Variants in C12orf42 observed in about 807,000 individuals in gnomAD.
The protein encoded by C12orf42 is uncharacterized protein C12orf42.
In C12orf42, 25 loss-of-function variants were observed where a neutral mutation model predicts 21.6. That is an observed-to-expected ratio of 1.16 (90% CI 0.84 to 1.62). C12orf42 has a LOEUF of 1.62. C12orf42 is among the 40% of genes most tolerant of loss of function. The pLI, the probability that C12orf42 is intolerant of heterozygous loss-of-function variation, is 0.00. For synonymous variants in C12orf42, 174 were observed against 175.0 expected, an observed-to-expected ratio of 0.99 and a Z score of 0.05; for missense variants, 483 against 459.3, an observed-to-expected ratio of 1.05 and a Z score of -0.47.
In C12orf42 at chr12:103,302,552, G is replaced by A. The variant is rs919261657; in HGVS notation, c.639C>T (p.Ala213=). Residue 213 remains alanine (A), a synonymous_variant, in exon 6 of 6, where the codon GCC becomes GCT. Coordinates refer to ENST00000548883, the MANE Select transcript of C12orf42 (RefSeq NM_198521.5). Reference sequence around the variant, plus strand: ...GGCCGATGGCAGTGGAAGGTCTGGCGGCAGAACCTGGAAGGCAAAGCAGGA... The same window carrying A: ...GGCCGATGGCAGTGGAAGGTCTGGCAGCAGAACCTGGAAGGCAAAGCAGGA... ...LSSPKKNSGS[A]ARPSTAIGLC... is the part of the protein sequence containing the mutation. The A allele has an allele frequency of 1.2e-6, 2 of 1,605,194 alleles. No homozygotes were observed. Among genetic ancestry groups the A allele is most frequent in the Non-Finnish European group, 1.7e-6 (2 of 1,176,252 alleles).
At chr12:103,498,011 G>A (rs143622548), upstream of C12orf42, among the ~76,000 whole-genome samples, 1,359 of 152,006 alleles carry the variant, frequency 8.9e-3, 18 homozygotes, top group African/African-American at 0.031. Context: ...CTCCAGCCTG[G>A]GTGACAGAGC....
At chr12:103,179,128 C>A in the C12orf42 span, among the ~76,000 whole-genome samples, 5 of 152,068 alleles carry the variant, frequency 3.3e-5, no homozygotes, top group Admixed American at 6.6e-5. Context: ...TAATTCATAC[C>A]CCAAACTTGA....
At chr12:103,327,448 G>A (rs1593450304) in intron 4 of C12orf42, among the ~76,000 whole-genome samples, 1 of 152,182 alleles carries the variant, frequency 6.6e-6, no homozygotes, top group East Asian at 1.9e-4. Context: ...ATCTGAAAAT[G>A]CTGTCTGTGG....
At chr12:103,464,769 C>T (rs536833078) in intron 2 of C12orf42, among the ~76,000 whole-genome samples, 64 of 152,254 alleles carry the variant, frequency 4.2e-4, no homozygotes, top group Non-Finnish European at 7.4e-4. Context: ...GGTCCAGTTT[C>T]AGTTTTCTGC....
intron 2 of C12orf42, among the ~76,000 whole-genome samples, chr12:103,417,142 C>A (rs1321056006): frequency 6.6e-6 from 1 of 152,144 alleles, no homozygotes; most frequent in Non-Finnish European, 1.5e-5. Flanking sequence ...AAAAGAGTAA[C>A]ATAGGCATAA....
chr12:103,482,447 T>G (rs1026763499), intron 1 of C12orf42, among the ~76,000 whole-genome samples: 1 of 152,130 alleles, frequency 6.6e-6, no homozygotes, highest in Admixed American at 6.5e-5. Context: ...TTCTCTACAG[T>G]GTTTTGGGTT....
At chr12:103,256,069 AAAAAAAAAAAAAAAAAAT>A (rs1443864344) in intron 10 of C12orf42, among the ~76,000 whole-genome samples, 1 of 47,540 alleles carries the variant, frequency 2.1e-5, no homozygotes, top group Non-Finnish European at 3.9e-5. Context: ...AAAAAAAAAA[AAAAAAAAAAAAAAAAAAT>A]ATATATATAT....
At chr12:103,522,315 G>T in the C12orf42 span, among the ~76,000 whole-genome samples, 1 of 152,164 alleles carries the variant, frequency 6.6e-6, no homozygotes, top group East Asian at 1.9e-4. Context: ...CCCCAGCCAT[G>T]TGGAACTGTG....
the C12orf42 span, among the ~76,000 whole-genome samples, chr12:103,118,764 C>T: frequency 9.0e-6 from 1 of 110,538 alleles, no homozygotes; most frequent in South Asian, 3.1e-4. Context: ...CGCCATTGCA[C>T]TCCAGCCTAA....
the C12orf42 span, among the ~76,000 whole-genome samples, chr12:103,522,319 A>C: frequency 2.0e-5 from 3 of 152,122 alleles, no homozygotes; most frequent in African/African-American, 7.2e-5. Context: ...AGCCATGTGG[A>C]ACTGTGAGTC....
chr12:103,563,342 C>T, the C12orf42 span, among the ~76,000 whole-genome samples: 1 of 152,164 alleles, frequency 6.6e-6, no homozygotes, highest in Non-Finnish European at 1.5e-5. Flanking sequence ...TTTGTCTACC[C>T]TAGACAAGAT....
At chr12:103,419,548 G>A (rs147263833) in intron 2 of C12orf42, among the ~76,000 whole-genome samples, 49 of 152,170 alleles carry the variant, frequency 3.2e-4, no homozygotes, top group Admixed American at 1.4e-3. Flanking sequence ...CATGGATCAC[G>A]GTGGTGATGG....
the C12orf42 span, among the ~76,000 whole-genome samples, chr12:103,080,164 C>T: frequency 6.6e-6 from 1 of 152,206 alleles, no homozygotes; most frequent in South Asian, 2.1e-4. Context: ...GCTGTGGTGG[C>T]AGCAGCATCT....
chr12:103,500,863 T>C (rs1430119119), upstream of C12orf42, among the ~76,000 whole-genome samples: 5 of 152,202 alleles, frequency 3.3e-5, no homozygotes, highest in Admixed American at 6.5e-5. Flanking sequence ...GGTTTCAAAA[T>C]TGTGTTCCTG....
chr12:103,123,588 T>TA, the C12orf42 span, among the ~76,000 whole-genome samples: 5 of 152,170 alleles, frequency 3.3e-5, no homozygotes, highest in Non-Finnish European at 4.4e-5. Flanking sequence ...GGCTTAGACT[T>TA]ACGTTTCCCA....
At chr12:103,540,100 T>C in the C12orf42 span, among the ~76,000 whole-genome samples, 42 of 150,962 alleles carry the variant, frequency 2.8e-4, no homozygotes, top group African/African-American at 9.2e-4. Context: ...CTCTGCCTCC[T>C]GGGTTCAAGC....
At chr12:103,141,898 A>C in the C12orf42 span, among the ~76,000 whole-genome samples, 2 of 152,178 alleles carry the variant, frequency 1.3e-5, no homozygotes, top group African/African-American at 2.4e-5. Flanking sequence ...ATGCACCATA[A>C]AATTATTTCG....
the C12orf42 span, among the ~76,000 whole-genome samples, chr12:103,185,855 G>A: frequency 6.6e-6 from 1 of 152,156 alleles, no homozygotes; most frequent in Non-Finnish European, 1.5e-5. Flanking sequence ...GGAACTGTAA[G>A]TCTAATTAAA....
chr12:103,348,361 G>A (rs1009003504), intron 4 of C12orf42, among the ~76,000 whole-genome samples: 1 of 152,158 alleles, frequency 6.6e-6, no homozygotes, highest in Admixed American at 6.6e-5. Context: ...TGTGGGAGAA[G>A]AACACTAGAA....
Sources: allele counts gnomAD v4.1 joint callset (sites outside exome capture counted in the v4.1 genomes callset), GRCh38; gene constraint gnomAD v4.1.1; transcripts MANE v1.5; gene names NCBI Gene and HGNC (gene_info 2026-07-23, HGNC 2026-07-21).